VDR: variants seen among roughly 807,000 people sequenced by gnomAD.
The protein encoded by VDR is vitamin D receptor.
A neutral mutation model predicts 39.7 loss-of-function variants in VDR; 19 were observed. The ratio of observed to expected loss-of-function variants is 0.48; its 90% CI spans 0.33 to 0.70. The LOEUF (loss-of-function observed/expected upper bound fraction) is 0.70. VDR is among the 30% of genes least tolerant of loss of function. VDR has a pLI of 0.02. For missense variants in VDR, 442 were observed against 570.5 expected (o/e 0.77, Z 2.29); for synonymous variants, 242 against 215.8 (o/e 1.12, Z -1.07).
chr12:47,870,814 C>T (rs1945838342), intron 3 of VDR, among the ~76,000 whole-genome samples: 1 of 152,210 alleles, frequency 6.6e-6, no homozygotes, highest in Admixed American at 6.5e-5. Flanking sequence ...GATCTGAAAG[C>T]TATGTGAGGT....
intron 1 of VDR, among the ~76,000 whole-genome samples, chr12:47,902,097 G>A (rs778034722): frequency 1.2e-4 from 18 of 152,232 alleles, no homozygotes; most frequent in Non-Finnish European, 2.4e-4. Flanking sequence ...CCTCTGCTGA[G>A]TTTGGAGTGA....
At chr12:47,864,914 G>A in intron 4 of VDR, 133 bp downstream of exon 4, 2 of 1,482,178 alleles carry the variant, frequency 1.3e-6, no homozygotes, top group Non-Finnish European at 1.9e-6. Context: ...TCCCACTGAG[G>A]CCCTGGCCCC....
Position 47,844,732 on chromosome 12 carries a change from A to G in VDR, c.*14T>C. 6.2e-7 allele frequency: 1 copy of G among 1,613,328 alleles called. No individual in the cohort carries two copies. Among genetic ancestry groups the G allele is most frequent in the East Asian group, 2.2e-5 (1 of 44,852 alleles). ...GGAGCAGCCCCACCCAGGCACCGCC[A>G]CAGGCTGTCCTAGTCAGGAGATCTC... On this transcript the variant is annotated 3_prime_UTR_variant, in exon 10 of 10. Transcript: ENST00000549336.
intron 4 of VDR, among the ~76,000 whole-genome samples, chr12:47,863,599 G>A (rs1391566238): frequency 1.3e-5 from 2 of 152,128 alleles, no homozygotes; most frequent in South Asian, 4.2e-4. Context: ...TAAGGCACCC[G>A]GGCCTCCAGC....
At chr12:47,855,854 C>T (rs535883298) in intron 6 of VDR, 53 bp from the exon 7 acceptor site, 67 of 1,608,324 alleles carry the variant, frequency 4.2e-5, no homozygotes, top group Non-Finnish European at 5.5e-5. Context: ...TGGACCAGGC[C>T]CCCTCCTGCC....
At position 47,853,927 on chromosome 12, in the gene VDR, GA is replaced by G. The variant is rs202094611; in HGVS notation, c.755+1702del. 7.3e-4 allele frequency among the ~76,000 whole-genome samples: 106 copies of G among 145,038 alleles called. 1 individual carries two copies. In the South Asian group the frequency reaches 8.9e-3, roughly 12 times the overall value. On this transcript the variant is annotated intron_variant, in intron 7 of 9. Coordinates refer to ENST00000549336, the MANE Select transcript of VDR (RefSeq NM_000376.3). The stretch of plus-strand genomic sequence containing the variant: ...AAAAGAGCGAAACCGTCTCAAAAAA[GA>G]AAAAAAAAATTAACACTGCATGAGT...
At chr12:47,867,223 A>G (rs1255533018) in intron 3 of VDR, among the ~76,000 whole-genome samples, 1 of 152,060 alleles carries the variant, frequency 6.6e-6, no homozygotes, top group Non-Finnish European at 1.5e-5. Context: ...GCACGGTGGC[A>G]CATGCCTATA....
At chr12:47,850,858 G>A (rs1454089178) in intron 7 of VDR, among the ~76,000 whole-genome samples, 2 of 136,566 alleles carry the variant, frequency 1.5e-5, no homozygotes, top group Non-Finnish European at 3.1e-5. Flanking sequence ...GGCAGAGCCC[G>A]GCCCCTCCCC....
intron 3 of VDR, among the ~76,000 whole-genome samples, chr12:47,873,654 C>T (rs1945939307): frequency 6.6e-6 from 1 of 152,296 alleles, no homozygotes; most frequent in South Asian, 2.1e-4. Context: ...AGCCACCGCG[C>T]CCGGCCACCT....
intron 7 of VDR, among the ~76,000 whole-genome samples, chr12:47,849,943 C>G (rs1375542028): frequency 6.6e-6 from 1 of 152,016 alleles, no homozygotes. Flanking sequence ...CTCTGCCTCC[C>G]GGGTTCAGGC....
chr12:47,869,550 A>G (rs1036449832), intron 3 of VDR, among the ~76,000 whole-genome samples: 2 of 151,370 alleles, frequency 1.3e-5, no homozygotes, highest in Admixed American at 1.3e-4. Flanking sequence ...AAAAAAAAAA[A>G]AAAAAAAAAG....
chr12:47,899,820 A>G, intron 1 of VDR: 2 of 865,364 alleles, frequency 2.3e-6, no homozygotes, highest in Non-Finnish European at 2.8e-6. Context: ...CCTGCTAGAG[A>G]ACATAACTGT....
chr12:47,873,351 C>CTTTTTTTTTTTTTTTTT lies in VDR; in HGVS notation c.146+5600_146+5616dup, dbSNP rs71077177. Among the ~76,000 whole-genome samples, 29 of 98,456 alleles carry CTTTTTTTTTTTTTTTTT rather than the reference C, an allele frequency of 2.9e-4. 4 individuals are homozygous for CTTTTTTTTTTTTTTTTT. The highest frequency in any genetic ancestry group is 1.7e-3 in the East Asian group (4 of 2,324). 64.6% of individuals were successfully genotyped at this position (98,456 alleles called of 152,430 possible). Reference sequence around the variant, plus strand: ...ACCATGAGTCAATTAAACCTGTTTTCTTTTTTTTTTTTTTTTTTTTTTTTT... The same window carrying CTTTTTTTTTTTTTTTTT: ...ACCATGAGTCAATTAAACCTGTTTTCTTTTTTTTTTTTTTTTTTTTTTTTTTTTTTTTTTTTTTTTTT... On this transcript the variant is annotated intron_variant, in intron 3 of 9. Transcript: ENST00000549336.
Position 47,863,501 on chromosome 12 carries a change from G to A in VDR, c.277+1546C>T, listed in dbSNP as rs557311299. Among the ~76,000 whole-genome samples the A allele has an allele frequency of 2.6e-5, 4 of 152,318 alleles. No individual in the cohort carries two copies. The East Asian group carries it at 5.8e-4, about 22-fold the overall frequency. On this transcript the variant is annotated intron_variant, in intron 4 of 9. Coordinates refer to ENST00000549336, the MANE Select transcript of VDR (RefSeq NM_000376.3). Reference sequence around the variant, plus strand: ...TTGCAGAGGCTGTCTTCTCTGCGGAGATGGGACTGTGCTGAGCACACCTTG... The same window carrying A: ...TTGCAGAGGCTGTCTTCTCTGCGGAAATGGGACTGTGCTGAGCACACCTTG...
At chr12:47,860,151 A>G (rs1018233646) in intron 4 of VDR, among the ~76,000 whole-genome samples, 2 of 151,908 alleles carry the variant, frequency 1.3e-5, no homozygotes, top group African/African-American at 4.8e-5. Flanking sequence ...TTTTTAGTAG[A>G]GATGGGGTTT....
chr12:47,850,032 G>C (rs553927663), intron 7 of VDR, among the ~76,000 whole-genome samples: 23 of 152,204 alleles, frequency 1.5e-4, no homozygotes, highest in African/African-American at 5.5e-4. Flanking sequence ...TCTATTTTTA[G>C]TAGATATGGG....
chr12:47,870,165 C>A (rs1186597302), intron 3 of VDR, among the ~76,000 whole-genome samples: 1 of 152,180 alleles, frequency 6.6e-6, no homozygotes, highest in Non-Finnish European at 1.5e-5. Context: ...GGCCACAGAT[C>A]CTCTTGGCTC....
intron 3 of VDR, among the ~76,000 whole-genome samples, chr12:47,877,154 G>A (rs983990438): frequency 2.6e-5 from 4 of 152,192 alleles, no homozygotes; most frequent in African/African-American, 9.7e-5. Flanking sequence ...GGGAGGCCAA[G>A]ATGGAAGGAT....
intron 1 of VDR, among the ~76,000 whole-genome samples, chr12:47,894,943 A>T (rs1946438966): frequency 6.6e-6 from 1 of 152,266 alleles, no homozygotes; most frequent in African/African-American, 2.4e-5. Flanking sequence ...CGCGGGAGCC[A>T]GGAGTTTCCA....
Sources: gnomAD v4.1 joint callset for allele counts (sites outside exome capture counted in the v4.1 genomes callset) on GRCh38, gnomAD v4.1.1 for gene constraint, MANE v1.5 for transcripts, NCBI Gene and HGNC (gene_info 2026-07-23, HGNC 2026-07-21) for gene names.